MEX3D: variants seen among roughly 807,000 people sequenced by gnomAD.
MEX3D encodes the protein RNA-binding protein MEX3D.
In MEX3D, 4 loss-of-function variants were observed where a neutral mutation model predicts 6.3. The observed-to-expected ratio is 0.64, with a 90% CI of 0.31 to 1.46. The LOEUF (loss-of-function observed/expected upper bound fraction) is 1.46, where lower values mean the gene tolerates loss of function less well. Among genes scored for constraint, MEX3D ranks in the 40% most tolerant of loss-of-function variants. The pLI is 0.07. For synonymous variants in MEX3D, 626 were observed against 494.1 expected (o/e 1.27, Z -3.54); for missense variants, 1,038 against 994.4 (o/e 1.04, Z -0.59).
Position 1,567,730 on chromosome 19 carries a change from C to T in MEX3D, c.329G>A (p.Gly110Asp). 1.6e-5 allele frequency: 16 copies of T among 993,702 alleles called. No homozygotes were observed. The highest frequency in any genetic ancestry group is 1.9e-5 in the Non-Finnish European group (16 of 827,832). The allele number at this position is 993,702 out of a possible 1,614,324, so 61.6% of individuals were successfully genotyped here. ...GGCGGGGGCCAGGGTCGGGGGCGCGCCGGCCTCAGGTCCGTCGGGGGGCAC... is the reference window on the plus strand; with the variant it reads ...GGCGGGGGCCAGGGTCGGGGGCGCGTCGGCCTCAGGTCCGTCGGGGGGCAC... ...EPVPPDGPEA[G>D]APPTLAPAVA... Residue 110 changes from glycine (G) to aspartate (D), a missense_variant, in exon 1 of 2, where the codon GGC becomes GAC. Gly to Asp is a moderately conservative substitution (Grantham distance 94, BLOSUM62 -1). Around this residue, in one of 5 missense-constraint regions of MEX3D, gnomAD observed 265 missense variants for 206.3 expected, o/e 1.28. Coordinates refer to ENST00000402693, the MANE Select transcript of MEX3D (RefSeq NM_203304.4). This position sits in a 1 kb window ranked among gnomAD's most constrained non-coding sequence, Gnocchi z 6.5.
chr19:1,558,089 G>C (rs904815288), intron 1 of MEX3D, among the ~76,000 whole-genome samples: 19 of 149,420 alleles, frequency 1.3e-4, no homozygotes, highest in Non-Finnish European at 2.5e-4. Context: ...GGCAGGGTCA[G>C]TGGCTCACAC....
intron 1 of MEX3D, among the ~76,000 whole-genome samples, 164 bp from the exon 2 acceptor site, chr19:1,557,087 T>C (rs927484924): frequency 6.6e-6 from 1 of 152,176 alleles, no homozygotes; most frequent in Admixed American, 6.5e-5. Context: ...TCCCTCAGCC[T>C]CAGTTTCCCC....
intron 1 of MEX3D, among the ~76,000 whole-genome samples, chr19:1,558,171 G>A (rs564158431): frequency 6.6e-6 from 1 of 151,738 alleles, no homozygotes; most frequent in East Asian, 1.9e-4. Context: ...ACCAGCCTGG[G>A]CAACACAGCA....
In MEX3D at chr19:1,556,658, C is replaced by T. The variant is rs768086480; in HGVS notation, c.861G>A (p.Leu287=). ...TGGTGGCGCCCTTGGGCCCCACCAC[C>T]AGCCCCACCACCCGGTAGGGCACGC... is the stretch of plus-strand genomic sequence containing the variant. The part of the protein sequence containing the change: ...QVRVPYRVVG[L]VVGPKGATIK... Residue 287 remains leucine (L), a synonymous_variant, in exon 2 of 2, where the codon CTG becomes CTA. Transcript: ENST00000402693. The surrounding 1 kb of genome is among the most constrained non-coding windows in gnomAD (Gnocchi z 7.5). 5.6e-6 allele frequency: 9 copies of T among 1,610,692 alleles called. No individual in the cohort carries two copies. Among genetic ancestry groups the T allele is most frequent in the African/African-American group, 2.7e-5 (2 of 74,886 alleles).
intron 1 of MEX3D, among the ~76,000 whole-genome samples, chr19:1,566,152 G>A (rs1021552177): frequency 1.3e-5 from 2 of 152,136 alleles, no homozygotes; most frequent in African/African-American, 2.4e-5. Flanking sequence ...ATGGTAGGGC[G>A]CCCTCCTGCC....
chr19:1,567,519 G>C lies in MEX3D; in HGVS notation c.540C>G (p.Thr180=). ...IGSRKKSVNM[T]ECVPVPSSEH... Reference sequence around the variant, plus strand: ...CGGAGCTGGGCACCGGGACGCACTCGGTCATGTTGACGCTTTTCTTGCGGC... The same window carrying C: ...CGGAGCTGGGCACCGGGACGCACTCCGTCATGTTGACGCTTTTCTTGCGGC... Residue 180 remains threonine, a synonymous_variant, in exon 1 of 2, where the codon ACC becomes ACG. Transcript: ENST00000402693. The surrounding 1 kb of genome is among the most constrained non-coding windows in gnomAD (Gnocchi z 6.5). The C allele has an allele frequency of 6.4e-7, 1 of 1,569,688 alleles. No individual in the cohort carries two copies. Among genetic ancestry groups the C allele is most frequent in the Non-Finnish European group, 8.6e-7 (1 of 1,159,510 alleles).
At position 1,555,968 on chromosome 19, in the gene MEX3D, C is replaced by T. The variant is rs1260869723; in HGVS notation, c.1551G>A (p.Leu517=). 26 of 1,169,874 alleles carry T rather than the reference C, an allele frequency of 2.2e-5. No homozygotes were observed. Among genetic ancestry groups the T allele is most frequent in the Non-Finnish European group, 2.7e-5 (26 of 948,298 alleles). The allele number at this position is 1,169,874 out of a possible 1,614,324, so 72.5% of individuals were successfully genotyped here. Residue 517 remains leucine, a synonymous_variant, in exon 2 of 2, where the codon CTG becomes CTA. Coordinates refer to ENST00000402693, the MANE Select transcript of MEX3D (RefSeq NM_203304.4). ...GAGTPRHSPT[L]PEPGGLRLEL... Reference sequence around the variant, plus strand: ...CCAGGCGGAGGCCGCCGGGCTCGGGCAGCGTGGGCGAGTGGCGGGGGGTCC... The same window carrying T: ...CCAGGCGGAGGCCGCCGGGCTCGGGTAGCGTGGGCGAGTGGCGGGGGGTCC...
At chr19:1,563,630 G>A (rs1599327737) in intron 1 of MEX3D, among the ~76,000 whole-genome samples, 4 of 152,148 alleles carry the variant, frequency 2.6e-5, no homozygotes, top group South Asian at 4.1e-4. Flanking sequence ...GAGCAGGGCC[G>A]GAGGTCCCCT....
chr19:1,567,876 C>T lies in MEX3D; in HGVS notation c.183G>A (p.Leu61=). ...EPDDAAAALR[L]ALDQLSALGL... ...CGAGCGCCGACAGCTGGTCCAGCGC[C>T]AGGCGGAGCGCGGCGGCCGCGTCGT... Residue 61 remains leucine, a synonymous_variant, in exon 1 of 2, where the codon CTG becomes CTA. Transcript: ENST00000402693. This position sits in a 1 kb window ranked among gnomAD's most constrained non-coding sequence, Gnocchi z 6.5. 1 of 983,102 alleles carries T rather than the reference C, an allele frequency of 1.0e-6. No individual in the cohort carries two copies. Among genetic ancestry groups the T allele is most frequent in the Non-Finnish European group, 1.2e-6 (1 of 830,670 alleles). 60.9% of individuals were successfully genotyped at this position (983,102 alleles called of 1,614,324 possible).
rs753549519 is a variant in MEX3D at position 1,556,472 on chromosome 19, G to A, written c.1047C>T (p.Gly349=). The change falls in exon 2 of 2, where the codon GGC becomes GGT. Residue 349 remains glycine, a synonymous_variant. Transcript: ENST00000402693. The surrounding 1 kb of genome is among the most constrained non-coding windows in gnomAD (Gnocchi z 7.5). ...CGTTGGCGTGGAAGTCGCTGTCGGGGCCCGCGTCGGTGAAGGCGCCAGTGC... is the reference window on the plus strand; with the variant it reads ...CGTTGGCGTGGAAGTCGCTGTCGGGACCCGCGTCGGTGAAGGCGCCAGTGC... ...TLRTGAFTDA[G]PDSDFHANGT... 1.9e-6 allele frequency: 3 copies of A among 1,601,026 alleles called. No individual in the cohort carries two copies. The highest frequency in any genetic ancestry group is 1.7e-5 in the Admixed American group (1 of 59,820).
intron 1 of MEX3D, among the ~76,000 whole-genome samples, chr19:1,559,247 T>C (rs1340193881): frequency 6.6e-6 from 1 of 152,144 alleles, no homozygotes; most frequent in East Asian, 1.9e-4. Context: ...TTCTCCTGCC[T>C]CAGCTTCCTG....
At chr19:1,564,546 A>AG (rs2145576514) in intron 1 of MEX3D, among the ~76,000 whole-genome samples, 1 of 152,106 alleles carries the variant, frequency 6.6e-6, no homozygotes, top group African/African-American at 2.4e-5. Flanking sequence ...AAAAAAAAAA[A>AG]AAAAAGATAT....
chr19:1,560,915 A>C (rs1914700958), intron 1 of MEX3D, among the ~76,000 whole-genome samples: 1 of 151,282 alleles, frequency 6.6e-6, no homozygotes, highest in East Asian at 2.0e-4. Flanking sequence ...CCCCTGCCCC[A>C]CTGGAAATGA....
At position 1,562,818 on chromosome 19, in the gene MEX3D, C is replaced by T. The variant is rs369669294; in HGVS notation, c.595+4646G>A. On this transcript the variant is annotated intron_variant, in intron 1 of 1. Transcript: ENST00000402693. ...TGACCTGAGGTCAGGAGTTCGAGAC[C>T]GGCCTGGCCAACATGGCGAAACCCC... Among the ~76,000 whole-genome samples the T allele has an allele frequency of 3.4e-4, 52 of 152,192 alleles. No homozygotes were observed. In the South Asian group the frequency reaches 6.2e-3, roughly 18 times the overall value.
intron 1 of MEX3D, among the ~76,000 whole-genome samples, chr19:1,561,634 C>T (rs72618595): frequency 0.053 from 8,004 of 151,820 alleles, 566 homozygotes; most frequent in East Asian, 0.34. Context: ...GCCAGGAGTT[C>T]GAGACCAGCC....
Position 1,556,563 on chromosome 19 carries a change from G to A in MEX3D, c.956C>T (p.Ala319Val), listed in dbSNP as rs766880045. The stretch of plus-strand genomic sequence containing the variant: ...CACGTTCTCGGGCATCCCAGTGACC[G>A]CGAACACCGGCTCCTTGTCGCGCCC... ...TPGRDKEPVF[A>V]VTGMPENVDR... The change falls in exon 2 of 2, where the codon GCG becomes GTG. Residue 319 changes from alanine to valine, a missense_variant. Around this residue, in one of 5 missense-constraint regions of MEX3D, gnomAD observed 65 missense variants for 109.3 expected, o/e 0.59. Transcript: ENST00000402693. The surrounding 1 kb of genome is among the most constrained non-coding windows in gnomAD (Gnocchi z 7.5). The A allele has an allele frequency of 7.5e-6, 12 of 1,608,346 alleles. No individual in the cohort carries two copies. The highest frequency in any genetic ancestry group is 5.5e-5 in the South Asian group (5 of 90,974).
rs1339973182 is a variant in MEX3D, at chr19:1,555,770, G to A, written c.1749C>T (p.Asn583=). 1 of 1,472,572 alleles carries A rather than the reference G, an allele frequency of 6.8e-7. No homozygotes were observed. Among genetic ancestry groups the A allele is most frequent in the South Asian group, 1.3e-5 (1 of 77,272 alleles). 91.2% of individuals were successfully genotyped at this position (1,472,572 alleles called of 1,614,324 possible). Residue 583 remains asparagine (N), a synonymous_variant, in exon 2 of 2, where the codon AAC becomes AAT. Coordinates refer to ENST00000402693, the MANE Select transcript of MEX3D (RefSeq NM_203304.4). ...AGGACGCCGAAGGGGGCTTGCGGCT[G>A]TTCTCGGAGGCGCCGGAGTCCAGGG... The part of the protein sequence containing the change: ...CAPLDSGASE[N]SRKPPSASSA...
rs538082135 is a variant in MEX3D at position 1,561,845 on chromosome 19, T to C, written c.596-4922A>G. Among the ~76,000 whole-genome samples the C allele has an allele frequency of 4.6e-5, 7 of 152,058 alleles. No individual in the cohort carries two copies. In the South Asian group the frequency reaches 1.5e-3, roughly 32 times the overall value. On this transcript the variant is annotated intron_variant, in intron 1 of 1. Transcript: ENST00000402693. ...GCTTTTCTGCAGAGACAGGGTCTTA[T>C]TATGTTGCCCAGGCTGGTCTGGAAC...
chr19:1,568,172 G>GCGGGCA lies in MEX3D; in HGVS notation c.-120_-115dup. 1.1e-6 allele frequency: 1 copy of GCGGGCA among 920,822 alleles called. No homozygotes were observed. The highest frequency in any genetic ancestry group is 1.3e-6 in the Non-Finnish European group (1 of 775,728). The allele number at this position is 920,822 out of a possible 1,614,324, so 57.0% of individuals were successfully genotyped here. A position where few individuals can be genotyped will look rare whatever the true frequency, so the allele number is the denominator to read the frequency against. On this transcript the variant is annotated 5_prime_UTR_variant, in exon 1 of 2. Coordinates refer to ENST00000402693, the MANE Select transcript of MEX3D (RefSeq NM_203304.4). ...CGGCCGCCTGCATCCAGCGGCGGGG[G>GCGGGCA]CGGGCACGGGGGGCCGGGCGGGCGG...
Sources: gnomAD v4.1 joint callset for allele counts (sites outside exome capture counted in the v4.1 genomes callset) on GRCh38, gnomAD v4.1.1 for gene constraint, gnomAD v4.1.1 regional missense constraint, Gnocchi (gnomAD v3.1) non-coding constraint, MANE v1.5 for transcripts, NCBI Gene and HGNC (gene_info 2026-07-23, HGNC 2026-07-21) for gene names.